The following NUP98 variants were observed in gnomAD, a reference collection of about 807,000 sequenced individuals.
The protein encoded by NUP98 is nuclear pore complex protein Nup98-Nup96.
Under a neutral mutation model 191.9 loss-of-function variants are expected in NUP98, and 26 were observed. The ratio of observed to expected loss-of-function variants is 0.14; its 90% CI spans 0.10 to 0.19. NUP98 has a LOEUF of 0.19. Ranked by LOEUF, NUP98 falls within the 10% of genes least tolerant of loss-of-function variation. The pLI, the probability that NUP98 is intolerant of heterozygous loss-of-function variation, is 1.00. For synonymous variants in NUP98, 808 were observed against 778.4 expected (o/e 1.04, Z -0.63); for missense variants, 1,941 against 2,178.8 (o/e 0.89, Z 2.17).
intron 9 of NUP98, among the ~76,000 whole-genome samples, chr11:3,761,937 C>T (rs1176014326): frequency 6.6e-6 from 1 of 151,914 alleles, no homozygotes; most frequent in African/African-American, 2.4e-5. Flanking sequence ...GAACGAGACT[C>T]GGTTTCAAAA....
At chr11:3,754,998 C>T (rs1452167156) in intron 10 of NUP98, among the ~76,000 whole-genome samples, 1 of 146,994 alleles carries the variant, frequency 6.8e-6, no homozygotes, top group East Asian at 2.0e-4. Flanking sequence ...CTATTCTGTA[C>T]TGCTGCCATT....
At chr11:3,729,076 G>A (rs1589823102) in intron 14 of NUP98, among the ~76,000 whole-genome samples, 1 of 152,194 alleles carries the variant, frequency 6.6e-6, no homozygotes, top group Non-Finnish European at 1.5e-5. Context: ...ACATCGAAGT[G>A]AAGATGTAGA....
chr11:3,718,007 A>G (rs975662276), intron 18 of NUP98, among the ~76,000 whole-genome samples: 2 of 152,160 alleles, frequency 1.3e-5, no homozygotes, highest in Non-Finnish European at 2.9e-5. Flanking sequence ...TTTTTCATCA[A>G]TATACTCATC....
Position 3,679,562 on chromosome 11 carries a change from T to C in NUP98, c.5065A>G (p.Ile1689Val), listed in dbSNP as rs138117657. Reference sequence around the variant, plus strand: ...TTCAGGATCTCAGGTACCTGCTGTATATGGCGGAGCATTTCAATGACTCTA... The same window carrying C: ...TTCAGGATCTCAGGTACCTGCTGTACATGGCGGAGCATTTCAATGACTCTA... ...YIRVIEMLRH[I>V]QQVDCSGNDL... The change falls in exon 31 of 33, where the codon ATA becomes GTA. Residue 1689 changes from isoleucine to valine, a missense_variant. Physicochemically the swap from Ile to Val is conservative, Grantham distance 29. Coordinates refer to ENST00000324932, the MANE Select transcript of NUP98 (RefSeq NM_016320.5). 6.2e-6 allele frequency: 10 copies of C among 1,614,068 alleles called. No homozygotes were observed. In the African/African-American group the frequency reaches 1.2e-4, roughly 19 times the overall value.
At chr11:3,690,301 C>T (rs1203776684) in intron 28 of NUP98, among the ~76,000 whole-genome samples, 1 of 149,668 alleles carries the variant, frequency 6.7e-6, no homozygotes, top group Non-Finnish European at 1.5e-5. Flanking sequence ...GCTGTGTCGC[C>T]CAGGCTGGAG....
At chr11:3,693,072 CATG>C (rs2078368859) in intron 27 of NUP98, 157 bp downstream of exon 27, 2 of 680,086 alleles carry the variant, frequency 2.9e-6, no homozygotes, top group Non-Finnish European at 4.9e-6. Context: ...TGTGGAATCT[CATG>C]ATATTTAATA....
Position 3,733,927 on chromosome 11 carries a change from A to G in NUP98, c.1542+1264T>C, listed in dbSNP as rs114648948. ...AGCTACCTAAAATTAGGCTGCATAA[A>G]TAATTGTCTAATCATTTACACATCA... On this transcript the variant is annotated intron_variant, in intron 13 of 32. Transcript: ENST00000324932. 3.8e-3 allele frequency among the ~76,000 whole-genome samples: 572 copies of G among 152,348 alleles called. 1 individual carries two copies. The highest frequency in any genetic ancestry group is 0.013 in the African/African-American group (547 of 41,584).
chr11:3,695,708 G>A (rs992116657), intron 25 of NUP98, 102 bp from the exon 26 acceptor site: 11 of 829,540 alleles, frequency 1.3e-5, no homozygotes, highest in Non-Finnish European at 1.7e-5. Flanking sequence ...TCAGAAGGGA[G>A]GATTTAACAT....
chr11:3,690,576 A>G (rs1187715282), intron 28 of NUP98, among the ~76,000 whole-genome samples: 1 of 152,102 alleles, frequency 6.6e-6, no homozygotes, highest in Non-Finnish European at 1.5e-5. Context: ...ATTTTTTAAT[A>G]AACATGTACA....
At position 3,765,195 on chromosome 11, in the gene NUP98, CTTTG is replaced by C. The variant is rs1312797389; in HGVS notation, c.949-2160_949-2157del. On this transcript the variant is annotated intron_variant, in intron 8 of 32. Coordinates refer to ENST00000324932, the MANE Select transcript of NUP98 (RefSeq NM_016320.5). ...TGATATATAAATGTTTTTCTGCCAT[CTTTG>C]TTTGTTTAGAGATAGGGTCTCATTA... Among the ~76,000 whole-genome samples, 8 of 152,052 alleles carry C rather than the reference CTTTG, an allele frequency of 5.3e-5. No homozygotes were observed. The East Asian group carries it at 1.2e-3, about 22-fold the overall frequency.
chr11:3,737,798 T>G (rs1176481892), intron 12 of NUP98, among the ~76,000 whole-genome samples: 9 of 152,220 alleles, frequency 5.9e-5, no homozygotes, highest in Non-Finnish European at 2.9e-5. Flanking sequence ...AACCAAGAGA[T>G]GTCAATTTTA....
In NUP98 at chr11:3,703,849, T is replaced by C. The variant is rs114549482; in HGVS notation, c.3083-957A>G. On this transcript the variant is annotated intron_variant, in intron 22 of 32. Transcript: ENST00000324932. ...AAAATTTTTTTAACATTTAAATTTT[T>C]ATCTAGCTAGCTAGCTATTATAGGG... is the stretch of plus-strand genomic sequence containing the variant. Among the ~76,000 whole-genome samples the C allele has an allele frequency of 2.4e-3, 372 of 152,342 alleles. 1 individual carries two copies. Among genetic ancestry groups the C allele is most frequent in the African/African-American group, 8.4e-3 (348 of 41,584 alleles).
intron 18 of NUP98, among the ~76,000 whole-genome samples, chr11:3,715,379 T>C (rs931886164): frequency 2.0e-5 from 3 of 151,940 alleles, no homozygotes; most frequent in African/African-American, 7.2e-5. Flanking sequence ...GCTATCCACC[T>C]GCCTCGGCCT....
In NUP98 at chr11:3,712,603, C is replaced by T; in HGVS notation, c.2703G>A (p.Leu901=). 6.2e-7 allele frequency: 1 copy of T among 1,614,034 alleles called. No homozygotes were observed. Among genetic ancestry groups the T allele is most frequent in the African/African-American group, 1.3e-5 (1 of 75,026 alleles). ...CAGGTTTGCCATTAAGAGCCATCTG[C>T]AAGGGCGTAGTCTGGCTTGCAGGAG... The part of the protein sequence containing the change: ...PLPPASQTTP[L]QMALNGKPAP... The change falls in exon 20 of 33, where the codon TTG becomes TTA. Residue 901 remains leucine, a synonymous_variant. Coordinates refer to ENST00000324932, the MANE Select transcript of NUP98 (RefSeq NM_016320.5).
rs35803045 is a variant in NUP98 at position 3,712,669 on chromosome 11, C to T, written c.2637G>A (p.Pro879=). The change falls in exon 20 of 33, where the codon CCG becomes CCA. Residue 879 remains proline (P), a synonymous_variant. Transcript: ENST00000324932. ...QDSDEEEEEH[P]SKTSTKKLKT... is the part of the protein sequence containing the mutation. ...TCAACTTCTTTGTACTAGTTTTAGA[C>T]GGATGCTCCTCCTCCTCTTCATCAG... 99,816 of 1,613,300 alleles carry T rather than the reference C, an allele frequency of 0.062. 3,527 individuals are homozygous for T. The highest frequency in any genetic ancestry group is 0.083 in the Middle Eastern group (457 of 5,476).
intron 1 of NUP98, among the ~76,000 whole-genome samples, chr11:3,793,844 C>A (rs1300113007): frequency 1.3e-5 from 2 of 151,940 alleles, no homozygotes; most frequent in Non-Finnish European, 2.9e-5. Flanking sequence ...GTGGCACGCA[C>A]CTGTAATCCA....
Position 3,696,531 on chromosome 11 carries a change from G to A in NUP98, c.4010-925C>T, listed in dbSNP as rs189979966. Among the ~76,000 whole-genome samples the A allele has an allele frequency of 3.0e-4, 46 of 151,664 alleles. No individual in the cohort carries two copies. The East Asian group carries it at 7.6e-3, about 25-fold the overall frequency. On this transcript the variant is annotated intron_variant, in intron 25 of 32. Transcript: ENST00000324932. ...CAGGGGGGAGGGAAAAAAAAAGGCC[G>A]GAGGCAGTGGTTCACGCCTGTAATC... is the stretch of plus-strand genomic sequence containing the variant.
intron 1 of NUP98, among the ~76,000 whole-genome samples, chr11:3,782,881 C>G (rs1194305851): frequency 6.6e-6 from 1 of 152,088 alleles, no homozygotes; most frequent in Non-Finnish European, 1.5e-5. Context: ...CCATAGTTTG[C>G]ATTATAAAGT....
At chr11:3,778,058 G>T (rs536700182) in intron 4 of NUP98, among the ~76,000 whole-genome samples, 145 of 151,794 alleles carry the variant, frequency 9.6e-4, no homozygotes, top group Admixed American at 1.8e-3. Flanking sequence ...AATTAGCCGG[G>T]CATGGTGGCA....
Sources: allele counts gnomAD v4.1 joint callset (sites outside exome capture counted in the v4.1 genomes callset), GRCh38; gene constraint gnomAD v4.1.1; transcripts MANE v1.5; gene names NCBI Gene and HGNC (gene_info 2026-07-23, HGNC 2026-07-21).